Variants in ATM observed in about 807,000 individuals in gnomAD.
The protein encoded by ATM is ATM serine/threonine kinase, also known as serine-protein kinase ATM.
In ATM, 308 loss-of-function variants were observed where a neutral mutation model predicts 387.0. The ratio of observed to expected loss-of-function variants is 0.80; its 90% confidence interval spans 0.73 to 0.87. The LOEUF (loss-of-function observed/expected upper bound fraction) is 0.87. ATM is among the 40% of genes least tolerant of loss of function. ATM has a pLI of 0.00. For synonymous variants in ATM, 1,156 were observed against 1,187.3 expected (o/e 0.97, Z 0.54); for missense variants, 3,312 against 3,560.9 (o/e 0.93, Z 1.78).
rs1188614092 is a variant in ATM at position 108,268,593 on chromosome 11, C to T, written c.2822C>T (p.Ser941Phe). The change falls in exon 18 of 63, where the codon TCC (serine) becomes TTC (phenylalanine). Residue 941 changes from serine to phenylalanine, a missense_variant. Ser to Phe is a radical substitution (Grantham distance 155). Around this residue, in one of 4 missense-constraint regions of ATM, gnomAD observed 1,791 missense variants for 1,804.5 expected, o/e 0.99. Coordinates refer to ENST00000675843, the MANE Select transcript of ATM (RefSeq NM_000051.4). ...IDSSTLEPTKSLHLHMYLMLL... is the reference protein window; with the variant it reads ...IDSSTLEPTKFLHLHMYLMLL... ...TCTAGCACGCTAGAACCTACCAAAT[C>T]CCTCCACCTGCATATGGTGAGTTAC... The T allele has an allele frequency of 2.5e-6, 4 of 1,613,822 alleles. No homozygotes were observed. Among genetic ancestry groups the T allele is most frequent in the Non-Finnish European group, 3.4e-6 (4 of 1,179,986 alleles).
intron 8 of ATM, among the ~76,000 whole-genome samples, chr11:108,247,863 G>A (rs1469839188): frequency 6.6e-6 from 1 of 151,990 alleles, no homozygotes; most frequent in Non-Finnish European, 1.5e-5. Context: ...CATAGTGCTG[G>A]GATTACAGGC....
At position 108,368,492 on chromosome 11, in the gene ATM, A is replaced by G. The variant is rs1251938302; in HGVS notation, c.*2984A>G. ...AAGATTAGTGATACTATCCCAATAC[A>G]CTGCTGGAGAAATCAGAATTTGGAG... On this transcript the variant is annotated 3_prime_UTR_variant, in exon 63 of 63. Coordinates refer to ENST00000675843, the MANE Select transcript of ATM (RefSeq NM_000051.4). 1 of 214,620 alleles carries G rather than the reference A, an allele frequency of 4.7e-6. No homozygotes were observed. Among genetic ancestry groups the G allele is most frequent in the Non-Finnish European group, 9.4e-6 (1 of 106,430 alleles). The allele number at this position is 214,620 out of a possible 1,614,324, so 13.3% of individuals were successfully genotyped here. A position where few individuals can be genotyped will look rare whatever the true frequency, so the allele number is the denominator to read the frequency against.
At chr11:108,306,372 T>G (rs4988055) in intron 37 of ATM, among the ~76,000 whole-genome samples, 1,743 of 152,184 alleles carry the variant, frequency 0.011, 35 homozygotes, top group African/African-American at 0.04. Flanking sequence ...CTAAAATGTA[T>G]CTCTTATCTT....
chr11:108,241,742 CTTTTTTTTTTTT>C (rs1206745957), intron 5 of ATM, among the ~76,000 whole-genome samples: 2 of 45,366 alleles, frequency 4.4e-5, no homozygotes, highest in African/African-American at 1.4e-4. Context: ...TTCTTTCTTT[CTTTTTTTTTTTT>C]TTTTTTTTTT....
Position 108,292,623 on chromosome 11 carries a change from T to C in ATM, c.4441T>C (p.Ser1481Pro), listed in dbSNP as rs2135797205. 1 of 1,613,956 alleles carries C rather than the reference T, an allele frequency of 6.2e-7. No individual in the cohort carries two copies. The highest frequency in any genetic ancestry group is 8.5e-7 in the Non-Finnish European group (1 of 1,179,924). Reference protein sequence around the residue: ...TLIHYINQRPSCIMDVSLRSF... With the variant: ...TLIHYINQRPPCIMDVSLRSF... Reference sequence around the variant, plus strand: ...TTTTTTTTCTCCCTATATTAGGCCTTCTTGTATCATGGATGTGTCATTACG... The same window carrying C: ...TTTTTTTTCTCCCTATATTAGGCCTCCTTGTATCATGGATGTGTCATTACG... The change falls in exon 30 of 63, where the codon TCT (serine) becomes CCT (proline). Residue 1481 changes from serine to proline, a missense_variant. Ser to Pro is a moderately conservative substitution (Grantham distance 74, BLOSUM62 -1). This residue lies in a region of ATM where 1,791 missense variants were observed against 1,804.5 expected (regional missense o/e 0.99). Transcript: ENST00000675843.
chr11:108,325,387 T>G lies in ATM; in HGVS notation c.6650T>G (p.Phe2217Cys). 1 of 1,613,886 alleles carries G rather than the reference T, an allele frequency of 6.2e-7. No homozygotes were observed. Among genetic ancestry groups the G allele is most frequent in the Non-Finnish European group, 8.5e-7 (1 of 1,179,914 alleles). Reference sequence around the variant, plus strand: ...TCCCAGCTTCTCAAGGACAGTGATTTTAGTTTTCAGGAGCCTATCATGGCT... The same window carrying G: ...TCCCAGCTTCTCAAGGACAGTGATTGTAGTTTTCAGGAGCCTATCATGGCT... Reference protein sequence around the residue: ...KHSQLLKDSDFSFQEPIMALR... With the variant: ...KHSQLLKDSDCSFQEPIMALR... Residue 2217 changes from phenylalanine to cysteine, a missense_variant, in exon 46 of 63, where the codon TTT (phenylalanine) becomes TGT (cysteine). Transcript: ENST00000675843.
At chr11:108,238,175 C>T (rs2079389258) in intron 5 of ATM, among the ~76,000 whole-genome samples, 2 of 152,128 alleles carry the variant, frequency 1.3e-5, no homozygotes, top group South Asian at 2.1e-4. Flanking sequence ...GATCCACCTG[C>T]CTCAGCCTCC....
intron 35 of ATM, among the ~76,000 whole-genome samples, chr11:108,302,372 C>T (rs1306057447): frequency 6.6e-6 from 1 of 152,046 alleles, no homozygotes; most frequent in Non-Finnish European, 1.5e-5. Flanking sequence ...AATTTCAGGG[C>T]AGAAACCCAA....
At chr11:108,343,429 TG>T (rs2087858791) in intron 57 of ATM, 58 bp downstream of exon 57, 1 of 1,592,022 alleles carries the variant, frequency 6.3e-7, no homozygotes, top group Non-Finnish European at 8.6e-7. Context: ...TTATTAAAGC[TG>T]ACAGCTGTCA....
chr11:108,278,846 A>G (rs572553943), intron 22 of ATM, among the ~76,000 whole-genome samples: 3 of 152,284 alleles, frequency 2.0e-5, no homozygotes, highest in South Asian at 4.1e-4. Context: ...TCAGATTTCA[A>G]CATGACATTT....
At chr11:108,330,711 T>G (rs1043109695) in intron 50 of ATM, among the ~76,000 whole-genome samples, 12 of 152,220 alleles carry the variant, frequency 7.9e-5, no homozygotes, top group African/African-American at 2.9e-4. Context: ...GTCTTTGCAG[T>G]TACCATAGGA....
At chr11:108,250,386 C>T (rs987942962) in intron 9 of ATM, among the ~76,000 whole-genome samples, 3 of 152,072 alleles carry the variant, frequency 2.0e-5, no homozygotes, top group South Asian at 2.1e-4. Flanking sequence ...CTCCTAACCT[C>T]GTGATCTGCC....
chr11:108,290,712 C>T (rs1337036136), intron 29 of ATM: 1 of 142,392 alleles, frequency 7.0e-6, no homozygotes, highest in East Asian at 2.1e-4. Context: ...GTTCTAGCTA[C>T]TTAGGAGGCT....
At chr11:108,268,358 A>G in intron 17 of ATM, 52 bp from the exon 18 acceptor site, 1 of 1,534,394 alleles carries the variant, frequency 6.5e-7, no homozygotes, top group South Asian at 1.1e-5. Flanking sequence ...ATATGACTAT[A>G]TATGGCTGTT....
intron 16 of ATM, among the ~76,000 whole-genome samples, chr11:108,259,639 C>T (rs894317905): frequency 9.2e-5 from 14 of 152,096 alleles, no homozygotes; most frequent in African/African-American, 2.2e-4. Context: ...AAATTGGGAA[C>T]GAATCATCCA....
At chr11:108,224,038 C>T (rs1319608165) in intron 1 of ATM, 1 of 152,190 alleles carries the variant, frequency 6.6e-6, no homozygotes, top group East Asian at 1.9e-4. Flanking sequence ...AGGAGACTTT[C>T]GAAACAGTCA....
intron 5 of ATM, chr11:108,236,077 C>A: frequency 1.6e-5 from 8 of 505,620 alleles, no homozygotes; most frequent in South Asian, 6.3e-5. Context: ...TGAAAAATAC[C>A]ATCTCCATCG....
intron 23 of ATM, among the ~76,000 whole-genome samples, chr11:108,280,137 A>G (rs1174638997): frequency 6.6e-6 from 1 of 152,206 alleles, no homozygotes; most frequent in Admixed American, 6.5e-5. Context: ...ATAACTGTCA[A>G]GTCTGTGATA....
At chr11:108,291,054 TGAAACCCC>T (rs1211090877) in intron 29 of ATM, among the ~76,000 whole-genome samples, 1 of 151,918 alleles carries the variant, frequency 6.6e-6, no homozygotes, top group Non-Finnish European at 1.5e-5. Context: ...GCTAACACAG[TGAAACCCC>T]GTGTCTACTA....
Sources: allele counts gnomAD v4.1 joint callset (sites outside exome capture counted in the v4.1 genomes callset), GRCh38; gene constraint gnomAD v4.1.1; regional missense constraint gnomAD v4.1.1; transcripts MANE v1.5; gene names NCBI Gene and HGNC (gene_info 2026-07-23, HGNC 2026-07-21).